The following PCDHA4 variants were observed in gnomAD, a reference collection of about 807,000 sequenced individuals.
PCDHA4 encodes the protein protocadherin alpha-4.
PCDHA4 carries 49 observed loss-of-function variants against 61.4 expected under a neutral mutation model. That is an observed-to-expected ratio of 0.80 (90% CI 0.63 to 1.01). The LOEUF is 1.01. Ranked by LOEUF, PCDHA4 falls within the 50% of genes least tolerant of loss-of-function variation. The pLI is 0.00. For missense variants in PCDHA4, 1,254 were observed against 1,235.8 expected (o/e 1.01, Z -0.22); for synonymous variants, 590 against 550.3 (o/e 1.07, Z -1.01).
intron 1 of PCDHA4, among the ~76,000 whole-genome samples, chr5:140,915,121 A>G (rs982484419): frequency 1.1e-4 from 16 of 151,600 alleles, no homozygotes; most frequent in African/African-American, 3.9e-4. Flanking sequence ...CCTAATTTTT[A>G]TATTTTTAGT....
intron 1 of PCDHA4, chr5:140,825,430 TATA>T (rs1335934373): frequency 1.4e-5 from 2 of 147,522 alleles, no homozygotes; most frequent in Admixed American, 1.4e-4. Context: ...ATATAATAAA[TATA>T]TAATAATAAT....
At chr5:140,811,593 T>A (rs1204851199) in intron 1 of PCDHA4, 3 of 152,262 alleles carry the variant, frequency 2.0e-5, no homozygotes, top group African/African-American at 7.2e-5. Context: ...CCACAATGGT[T>A]GAACTAGTTT....
intron 1 of PCDHA4, among the ~76,000 whole-genome samples, chr5:140,913,241 T>C (rs1325092057): frequency 6.6e-6 from 1 of 152,226 alleles, no homozygotes; most frequent in African/African-American, 2.4e-5. Context: ...GGGAGACTTT[T>C]TGTTACAACT....
chr5:140,817,516 T>C (rs1343566593), intron 1 of PCDHA4: 2 of 152,260 alleles, frequency 1.3e-5, no homozygotes, highest in Admixed American at 6.5e-5. Context: ...AATTATTTTA[T>C]TGATTTCCTC....
intron 1 of PCDHA4, chr5:140,852,818 G>A: frequency 1.0e-6 from 1 of 971,786 alleles, no homozygotes; most frequent in Non-Finnish European, 1.2e-6. Flanking sequence ...CCCGCCCTAA[G>A]TCCTCCAGTC....
chr5:140,938,463 T>C (rs1399110046), intron 1 of PCDHA4, among the ~76,000 whole-genome samples: 1 of 152,216 alleles, frequency 6.6e-6, no homozygotes, highest in Non-Finnish European at 1.5e-5. Flanking sequence ...GTTTTTTAAT[T>C]TATTATGTTT....
rs375705333 is a variant in PCDHA4 at position 140,927,955 on chromosome 5, C to T, written c.2386-50994C>T. On this transcript the variant is annotated intron_variant, in intron 1 of 3. Coordinates refer to ENST00000530339, the MANE Select transcript of PCDHA4 (RefSeq NM_018907.4). ...GAACCCAGTACCTGAGGACGCTGCC[C>T]CTGGCACAGTGATTGCTCTCTTTAG... 34 of 1,614,198 alleles carry T rather than the reference C, an allele frequency of 2.1e-5. 1 individual carries two copies. In the Middle Eastern group the frequency reaches 9.9e-4, roughly 47 times the overall value.
intron 1 of PCDHA4, chr5:140,869,225 A>G (rs2050944514): frequency 6.2e-7 from 1 of 1,613,790 alleles, no homozygotes; most frequent in African/African-American, 1.3e-5. Flanking sequence ...GAGGCCAAAC[A>G]CGGCACCTTC....
intron 1 of PCDHA4, chr5:140,842,408 G>A (rs1266480987): frequency 1.2e-6 from 2 of 1,612,204 alleles, no homozygotes; most frequent in Non-Finnish European, 1.7e-6. Flanking sequence ...ACGTGAAGAC[G>A]CTCAATTTGG....
chr5:140,981,144 A>G (rs1245688386), intron 2 of PCDHA4, among the ~76,000 whole-genome samples: 1 of 152,238 alleles, frequency 6.6e-6, no homozygotes, highest in African/African-American at 2.4e-5. Flanking sequence ...GAGTGAGAAA[A>G]CATTGAACTT....
At chr5:141,007,985 A>C (rs2153994605) in intron 3 of PCDHA4, among the ~76,000 whole-genome samples, 1 of 152,322 alleles carries the variant, frequency 6.6e-6, no homozygotes, top group South Asian at 2.1e-4. Context: ...TGTATATATG[A>C]AATGTACATG....
At chr5:140,990,836 C>G (rs1358432111) in intron 3 of PCDHA4, among the ~76,000 whole-genome samples, 1 of 152,120 alleles carries the variant, frequency 6.6e-6, no homozygotes, top group East Asian at 1.9e-4. Context: ...AGCCTATTAG[C>G]AAAAATAGAG....
At chr5:140,910,451 G>A (rs2075030507) in intron 1 of PCDHA4, among the ~76,000 whole-genome samples, 1 of 152,190 alleles carries the variant, frequency 6.6e-6, no homozygotes. Flanking sequence ...GTAGTTGAGT[G>A]ACTGTGGTTC....
chr5:140,843,106 C>G lies in PCDHA4; in HGVS notation c.2385+33534C>G, dbSNP rs1265467066. The G allele has an allele frequency of 1.2e-5, 19 of 1,595,592 alleles. 3 individuals are homozygous for G. The highest frequency in any genetic ancestry group is 1.6e-5 in the Non-Finnish European group (19 of 1,165,474). ...CGGGCCACGTGGTAGCGAAGGTGCG[C>G]GCAGTGGACGCCGACTCGGGCTACA... is the stretch of plus-strand genomic sequence containing the variant. On this transcript the variant is annotated intron_variant, in intron 1 of 3. Transcript: ENST00000530339.
At chr5:140,925,257 C>A (rs1336613869) in intron 1 of PCDHA4, among the ~76,000 whole-genome samples, 2 of 152,110 alleles carry the variant, frequency 1.3e-5, no homozygotes, top group East Asian at 3.8e-4. Context: ...AACTTTAATT[C>A]TTGATCTGTG....
chr5:140,951,703 C>T (rs1000873823), intron 1 of PCDHA4, among the ~76,000 whole-genome samples: 3 of 152,110 alleles, frequency 2.0e-5, no homozygotes, highest in Non-Finnish European at 2.9e-5. Context: ...GAGCTTTGGG[C>T]GGGGACACAG....
chr5:140,838,447 G>A (rs2150289486), intron 1 of PCDHA4, among the ~76,000 whole-genome samples: 2 of 151,510 alleles, frequency 1.3e-5, no homozygotes, highest in South Asian at 4.2e-4. Flanking sequence ...GGGTTTTGTG[G>A]CATATTATTT....
chr5:140,869,176 G>C lies in PCDHA4; in HGVS notation c.2385+59604G>C, dbSNP rs200962401. The C allele has an allele frequency of 2.8e-5, 45 of 1,613,986 alleles. No individual in the cohort carries two copies. The East Asian group carries it at 9.6e-4, about 34-fold the overall frequency. On this transcript the variant is annotated intron_variant, in intron 1 of 3. Coordinates refer to ENST00000530339, the MANE Select transcript of PCDHA4 (RefSeq NM_018907.4). Reference sequence around the variant, plus strand: ...CTGGCTTCTCCTCCTCGAATTCTGGGAGGTGGGGAGCGGCCAGCTCCACTA... The same window carrying C: ...CTGGCTTCTCCTCCTCGAATTCTGGCAGGTGGGGAGCGGCCAGCTCCACTA...
intron 1 of PCDHA4, chr5:140,852,034 GT>G: frequency 1.1e-6 from 1 of 935,708 alleles, no homozygotes; most frequent in Non-Finnish European, 1.3e-6. Flanking sequence ...CGCTTATTGA[GT>G]TTTTGTTATG....
Sources: allele counts gnomAD v4.1 joint callset (sites outside exome capture counted in the v4.1 genomes callset), GRCh38; gene constraint gnomAD v4.1.1; transcripts MANE v1.5; gene names NCBI Gene and HGNC (gene_info 2026-07-23, HGNC 2026-07-21).